The following NKAIN2 variants were observed in gnomAD, a reference collection of about 807,000 sequenced individuals.
The protein encoded by NKAIN2 is sodium/potassium-transporting ATPase subunit beta-1-interacting protein 2.
In NKAIN2, 14 loss-of-function variants were observed where a neutral mutation model predicts 32.6. The ratio of observed to expected loss-of-function variants is 0.43; its 90% CI spans 0.28 to 0.67. The LOEUF (loss-of-function observed/expected upper bound fraction) is 0.67. Ranked by LOEUF, NKAIN2 falls within the 30% of genes least tolerant of loss-of-function variation. The pLI is 0.17. For synonymous variants in NKAIN2, 80 were observed against 87.2 expected (o/e 0.92, Z 0.46); for missense variants, 198 against 258.3 (o/e 0.77, Z 1.60).
At chr6:124,737,335 CT>C (rs1156598886) in intron 4 of NKAIN2, among the ~76,000 whole-genome samples, 1 of 151,820 alleles carries the variant, frequency 6.6e-6, no homozygotes, top group Non-Finnish European at 1.5e-5. Context: ...GCTTTTCCCC[CT>C]TTTGCTTGGC....
chr6:124,244,805 T>A (rs1478108129), intron 1 of NKAIN2, among the ~76,000 whole-genome samples: 4 of 152,080 alleles, frequency 2.6e-5, no homozygotes, highest in Non-Finnish European at 5.9e-5. Flanking sequence ...CCTTGTTGAA[T>A]TAAGGATAAT....
At chr6:124,155,568 A>G (rs897743580) in intron 1 of NKAIN2, among the ~76,000 whole-genome samples, 11 of 151,978 alleles carry the variant, frequency 7.2e-5, no homozygotes, top group African/African-American at 2.7e-4. Flanking sequence ...AGGATAGATG[A>G]TGAAAACATA....
At chr6:124,358,260 G>A (rs888069685) in intron 3 of NKAIN2, among the ~76,000 whole-genome samples, 9 of 152,268 alleles carry the variant, frequency 5.9e-5, no homozygotes, top group African/African-American at 1.9e-4. Flanking sequence ...CTTTATAGCA[G>A]CATGTTTTAT....
chr6:123,937,108 T>C (rs1240524528), intron 1 of NKAIN2, among the ~76,000 whole-genome samples: 1 of 152,104 alleles, frequency 6.6e-6, no homozygotes, highest in Non-Finnish European at 1.5e-5. Context: ...GATTTGCTGT[T>C]CTGCTATTAG....
At chr6:123,899,371 A>G (rs1054755791) in intron 1 of NKAIN2, among the ~76,000 whole-genome samples, 1 of 151,232 alleles carries the variant, frequency 6.6e-6, no homozygotes, top group Non-Finnish European at 1.5e-5. Context: ...TGCTCACCTT[A>G]TCTCCTGTCT....
chr6:124,211,230 C>T (rs1791157226), intron 1 of NKAIN2, among the ~76,000 whole-genome samples: 1 of 151,844 alleles, frequency 6.6e-6, no homozygotes. Flanking sequence ...TTTCCTTCCT[C>T]ATGAGCAATA....
chr6:124,805,654 C>A (rs534291619), intron 5 of NKAIN2, among the ~76,000 whole-genome samples: 20 of 152,184 alleles, frequency 1.3e-4, no homozygotes, highest in African/African-American at 4.6e-4. Flanking sequence ...ATGACTTTGA[C>A]GAGTTGAGAG....
chr6:124,544,852 AT>A (rs1204117991), intron 3 of NKAIN2, among the ~76,000 whole-genome samples: 1 of 152,196 alleles, frequency 6.6e-6, no homozygotes, highest in Non-Finnish European at 1.5e-5. Context: ...TGCACTTTAA[AT>A]TTTAGAACTT....
chr6:123,833,701 G>A (rs1198155715), intron 1 of NKAIN2, among the ~76,000 whole-genome samples: 1 of 146,560 alleles, frequency 6.8e-6, no homozygotes. Flanking sequence ...CTGTGTGTGT[G>A]TGTGTGTGTG....
intron 1 of NKAIN2, among the ~76,000 whole-genome samples, chr6:123,859,899 C>T (rs1775715542): frequency 6.6e-6 from 1 of 152,106 alleles, no homozygotes; most frequent in Admixed American, 6.5e-5. Context: ...CCATGTTGGC[C>T]AGGCTGGCCT....
Position 124,807,559 on chromosome 6 carries a change from C to A in NKAIN2, c.536-10828C>A, listed in dbSNP as rs1485752125. Among the ~76,000 whole-genome samples the A allele has an allele frequency of 7.4e-5, 11 of 147,708 alleles. No homozygotes were observed. In the Admixed American group the frequency reaches 7.5e-4, roughly 10 times the overall value. On this transcript the variant is annotated intron_variant, in intron 5 of 6. Coordinates refer to ENST00000368417, the MANE Select transcript of NKAIN2 (RefSeq NM_001040214.3). ...GCAGGAAAGATCCAAAATTGACACC[C>A]TAACATCACAATTAAAAGAACTAGA...
At chr6:124,301,813 C>G (rs58341172) in intron 2 of NKAIN2, among the ~76,000 whole-genome samples, 1 of 152,170 alleles carries the variant, frequency 6.6e-6, no homozygotes, top group East Asian at 1.9e-4. Context: ...CCCATTTTAC[C>G]TAACTTGCTT....
intron 1 of NKAIN2, among the ~76,000 whole-genome samples, chr6:124,186,350 G>T (rs1192603726): frequency 2.6e-5 from 4 of 152,188 alleles, no homozygotes; most frequent in African/African-American, 9.6e-5. Flanking sequence ...GGCTGAGGTG[G>T]GAGGACCACT....
intron 2 of NKAIN2, among the ~76,000 whole-genome samples, chr6:124,304,621 A>G (rs950032077): frequency 5.9e-5 from 9 of 152,208 alleles, no homozygotes; most frequent in Non-Finnish European, 1.2e-4. Context: ...CTTCCTTATA[A>G]AAGTCTATAA....
intron 3 of NKAIN2, among the ~76,000 whole-genome samples, chr6:124,600,447 G>A (rs1218305546): frequency 6.6e-6 from 1 of 151,966 alleles, no homozygotes; most frequent in Non-Finnish European, 1.5e-5. Context: ...AACATTTTAT[G>A]TGACAGTGAG....
At chr6:124,297,074 GATA>G (rs1796085793) in intron 2 of NKAIN2, among the ~76,000 whole-genome samples, 1 of 152,058 alleles carries the variant, frequency 6.6e-6, no homozygotes, top group African/African-American at 2.4e-5. Context: ...ATTAAAACCA[GATA>G]ATAAGAATTA....
intron 3 of NKAIN2, among the ~76,000 whole-genome samples, chr6:124,603,856 G>T (rs994199917): frequency 7.2e-5 from 11 of 151,946 alleles, no homozygotes; most frequent in Non-Finnish European, 1.3e-4. Flanking sequence ...GAGCTGAAAA[G>T]AACTGTCAAT....
chr6:123,965,704 T>C (rs1458935310), intron 1 of NKAIN2, among the ~76,000 whole-genome samples: 1 of 152,208 alleles, frequency 6.6e-6, no homozygotes, highest in Non-Finnish European at 1.5e-5. Flanking sequence ...ATCAGAATAC[T>C]ATCTAGCTTT....
intron 1 of NKAIN2, among the ~76,000 whole-genome samples, chr6:124,039,527 TATC>T (rs897625987): frequency 1.3e-5 from 2 of 152,008 alleles, no homozygotes; most frequent in Admixed American, 6.6e-5. Context: ...TTTGAGTTGC[TATC>T]ATTAATTGAC....
Sources: allele counts gnomAD v4.1 joint callset (sites outside exome capture counted in the v4.1 genomes callset), GRCh38; gene constraint gnomAD v4.1.1; transcripts MANE v1.5; gene names NCBI Gene and HGNC (gene_info 2026-07-23, HGNC 2026-07-21).